Variants in FGF14 observed in about 807,000 individuals in gnomAD.
FGF14 encodes fibroblast growth factor 14.
Under a neutral mutation model 25.5 loss-of-function variants are expected in FGF14, and 5 were observed. That is an observed-to-expected ratio of 0.20 (90% CI 0.10 to 0.41). The LOEUF is 0.41. FGF14 is among the 10% of genes least tolerant of loss of function. The pLI is 1.00. For synonymous variants in FGF14, 138 were observed against 118.3 expected (o/e 1.17, Z -1.08); for missense variants, 222 against 320.1 (o/e 0.69, Z 2.34).
At chr13:102,322,292 G>A (rs1022685859) in intron 1 of FGF14, among the ~76,000 whole-genome samples, 5 of 152,168 alleles carry the variant, frequency 3.3e-5, no homozygotes, top group African/African-American at 1.2e-4. Context: ...CTAAGACTGA[G>A]GCTTCACCAT....
At chr13:101,775,502 G>A (rs1280002938) in intron 3 of FGF14, among the ~76,000 whole-genome samples, 2 of 145,480 alleles carry the variant, frequency 1.4e-5, no homozygotes, top group Non-Finnish European at 3.1e-5. Flanking sequence ...CTCTTGTGAA[G>A]AGCCGAGAAT....
At chr13:102,243,655 G>GTTTTTT (rs3066872) in intron 1 of FGF14, among the ~76,000 whole-genome samples, 1 of 142,194 alleles carries the variant, frequency 7.0e-6, no homozygotes. Flanking sequence ...CTTTGGGCAT[G>GTTTTTT]TTTTTTTTTT....
chr13:102,371,387 C>T (rs947547269), intron 1 of FGF14, among the ~76,000 whole-genome samples: 2 of 151,954 alleles, frequency 1.3e-5, no homozygotes, highest in Admixed American at 1.3e-4. Context: ...TTCTTTTTTA[C>T]TCATTATCTC....
chr13:101,882,270 G>A (rs1022055252), intron 1 of FGF14, among the ~76,000 whole-genome samples: 12 of 151,922 alleles, frequency 7.9e-5, no homozygotes, highest in East Asian at 1.9e-4. Flanking sequence ...ATAGCAGACC[G>A]TATTAATTTG....
intron 1 of FGF14, among the ~76,000 whole-genome samples, chr13:102,131,235 G>A (rs1158028397): frequency 6.6e-6 from 1 of 152,152 alleles, no homozygotes; most frequent in African/African-American, 2.4e-5. Flanking sequence ...TGGCGTACTT[G>A]CTACTTGTGA....
intron 1 of FGF14, among the ~76,000 whole-genome samples, chr13:102,188,215 C>CA (rs1310741765): frequency 1.3e-5 from 2 of 150,548 alleles, no homozygotes; most frequent in Non-Finnish European, 3.0e-5. Context: ...TATTAGAGGC[C>CA]AAAAAAAATG....
chr13:101,948,524 G>T (rs2035961351), intron 1 of FGF14, among the ~76,000 whole-genome samples: 1 of 151,108 alleles, frequency 6.6e-6, no homozygotes, highest in Non-Finnish European at 1.5e-5. Context: ...ACTATGGGAA[G>T]AGCAGACTTC....
At position 101,717,318 on chromosome 13, in the gene FGF14, C is replaced by G. The variant is rs1002561079; in HGVS notation, c.*5513G>C. 2 of 152,066 alleles carry G rather than the reference C, an allele frequency of 1.3e-5. No homozygotes were observed. Among genetic ancestry groups the G allele is most frequent in the Non-Finnish European group, 2.9e-5 (2 of 68,002 alleles). 9.4% of individuals were successfully genotyped at this position (152,066 alleles called of 1,614,324 possible). On this transcript the variant is annotated 3_prime_UTR_variant, in exon 5 of 5. Transcript: ENST00000376143. ...AATAGATTTATAAAAATTGTTATCT[C>G]TATCCTGAGATTAAGGAGTGCAACC...
At chr13:102,128,709 G>A (rs557489734) in intron 1 of FGF14, among the ~76,000 whole-genome samples, 1 of 152,294 alleles carries the variant, frequency 6.6e-6, no homozygotes, top group East Asian at 1.9e-4. Flanking sequence ...CTTCTGAAGA[G>A]AAGTGATTTA....
intron 1 of FGF14, among the ~76,000 whole-genome samples, chr13:102,097,513 C>T (rs1346052685): frequency 6.6e-6 from 1 of 152,142 alleles, no homozygotes; most frequent in Non-Finnish European, 1.5e-5. Flanking sequence ...AATTCTGTCT[C>T]CCAAGTAGAC....
chr13:102,024,220 G>A (rs2040812467), intron 1 of FGF14, among the ~76,000 whole-genome samples: 1 of 152,036 alleles, frequency 6.6e-6, no homozygotes, highest in Admixed American at 6.6e-5. Flanking sequence ...CAAAGTGTCT[G>A]TACCATTTTA....
chr13:102,049,743 G>A (rs558543114), intron 1 of FGF14, among the ~76,000 whole-genome samples: 14 of 151,828 alleles, frequency 9.2e-5, no homozygotes, highest in African/African-American at 3.1e-4. Context: ...TTACACACAC[G>A]CACCCCCCCA....
chr13:102,191,483 T>C (rs961624823), intron 1 of FGF14, among the ~76,000 whole-genome samples: 4 of 152,176 alleles, frequency 2.6e-5, no homozygotes, highest in African/African-American at 9.7e-5. Context: ...ATCTCTGGTA[T>C]CTCTTCTTTT....
At chr13:102,125,732 T>C (rs2045923785) in intron 1 of FGF14, among the ~76,000 whole-genome samples, 1 of 152,176 alleles carries the variant, frequency 6.6e-6, no homozygotes, top group South Asian at 2.1e-4. Flanking sequence ...AGCATTCAAT[T>C]GATTTGAACT....
chr13:101,814,129 T>A (rs918947416), intron 3 of FGF14, among the ~76,000 whole-genome samples: 4 of 152,214 alleles, frequency 2.6e-5, no homozygotes, highest in African/African-American at 9.6e-5. Flanking sequence ...ACAAAAAGCA[T>A]GGTTTCCAGA....
chr13:101,998,729 T>C (rs1804062882), intron 1 of FGF14, among the ~76,000 whole-genome samples: 2 of 152,196 alleles, frequency 1.3e-5, no homozygotes. Context: ...ATGATCATGA[T>C]GTAATGGGAG....
chr13:102,168,546 G>C (rs509193), intron 1 of FGF14, among the ~76,000 whole-genome samples: 87,598 of 151,974 alleles, frequency 0.58, 26,220 homozygotes, highest in East Asian at 0.92. Flanking sequence ...TTTTAGAGCA[G>C]GGCTACCCTT....
intron 1 of FGF14, among the ~76,000 whole-genome samples, chr13:102,321,369 T>C (rs2056236554): frequency 6.6e-6 from 1 of 152,154 alleles, no homozygotes; most frequent in Non-Finnish European, 1.5e-5. Context: ...CTATATAATT[T>C]GCAATTCTCA....
At chr13:102,309,800 C>T (rs867022509) in intron 1 of FGF14, among the ~76,000 whole-genome samples, 5 of 152,082 alleles carry the variant, frequency 3.3e-5, no homozygotes, top group Non-Finnish European at 7.4e-5. Flanking sequence ...TGGCTCTTTT[C>T]CCCTCCTTCT....
Sources: gnomAD v4.1 joint callset for allele counts (sites outside exome capture counted in the v4.1 genomes callset) on GRCh38, gnomAD v4.1.1 for gene constraint, MANE v1.5 for transcripts, NCBI Gene and HGNC (gene_info 2026-07-23, HGNC 2026-07-21) for gene names.